PPP1R37: variants seen among roughly 807,000 people sequenced by gnomAD.
The protein encoded by PPP1R37 is leucine rich repeat containing 68.
Under a neutral mutation model 61.0 loss-of-function variants are expected in PPP1R37, and 21 were observed. The observed-to-expected ratio is 0.34, with a 90% CI of 0.24 to 0.50. PPP1R37 has a LOEUF of 0.50. Ranked by LOEUF, PPP1R37 falls within the 20% of genes least tolerant of loss-of-function variation. PPP1R37 has a pLI of 0.98. For synonymous variants in PPP1R37, 443 were observed against 433.5 expected, an observed-to-expected ratio of 1.02 and a Z score of -0.27; for missense variants, 910 against 952.7, an observed-to-expected ratio of 0.96 and a Z score of 0.59.
rs79967378 is a variant in PPP1R37, at chr19:45,121,328, G to A, written c.203-17186G>A. On this transcript the variant is annotated intron_variant, in intron 1 of 12. Coordinates refer to ENST00000221462, the MANE Select transcript of PPP1R37 (RefSeq NM_019121.2). This position sits in a 1 kb window ranked among gnomAD's most constrained non-coding sequence, Gnocchi z 4.2. ...GATGAGGGACTTTCCTCCTCAGGGC[G>A]TCTGTCTCCCTGCCATGGGAGGCAG... 1.3e-5 allele frequency among the ~76,000 whole-genome samples: 2 copies of A among 152,346 alleles called. No homozygotes were observed. Among genetic ancestry groups the A allele is most frequent in the East Asian group, 1.9e-4 (1 of 5,182 alleles).
At chr19:45,104,301 C>G in intron 1 of PPP1R37, among the ~76,000 whole-genome samples, 1 of 152,208 alleles carries the variant, frequency 6.6e-6, no homozygotes, top group Non-Finnish European at 1.5e-5. Flanking sequence ...TCCTGTCCAT[C>G]TGGCTCCTGG....
intron 1 of PPP1R37, among the ~76,000 whole-genome samples, chr19:45,109,868 C>T (rs1454742307): frequency 6.6e-6 from 1 of 152,192 alleles, no homozygotes; most frequent in Non-Finnish European, 1.5e-5. Flanking sequence ...CATCTGCAGC[C>T]TCAGCTCTGC....
intron 1 of PPP1R37, among the ~76,000 whole-genome samples, chr19:45,097,808 C>T (rs1282505534): frequency 6.6e-6 from 1 of 152,078 alleles, no homozygotes; most frequent in Admixed American, 6.5e-5. Flanking sequence ...ATCCTCTTCT[C>T]CGCTTTCCTC....
chr19:45,122,189 G>A (rs1968350041), intron 1 of PPP1R37, among the ~76,000 whole-genome samples: 1 of 152,194 alleles, frequency 6.6e-6, no homozygotes, highest in African/African-American at 2.4e-5. Context: ...TGCGTAGAAG[G>A]CATTTGCCCC....
At position 45,133,291 on chromosome 19, in the gene PPP1R37, C is replaced by T. The variant is rs563873610; in HGVS notation, c.203-5223C>T. ...TAGAGACGGGGTTTCACCATGTTGG[C>T]CAGGCTTGTCTCGAACTCCTGGCCT... is the stretch of plus-strand genomic sequence containing the variant. On this transcript the variant is annotated intron_variant, in intron 1 of 12. Transcript: ENST00000221462. 9.8e-5 allele frequency among the ~76,000 whole-genome samples: 15 copies of T among 152,336 alleles called. No homozygotes were observed. The South Asian group carries it at 3.1e-3, about 32-fold the overall frequency.
chr19:45,140,552 C>T lies in PPP1R37; in HGVS notation c.393C>T (p.Phe131=), dbSNP rs1968597536. 2.0e-6 allele frequency: 3 copies of T among 1,536,078 alleles called. No homozygotes were observed. Among genetic ancestry groups the T allele is most frequent in the African/African-American group, 2.7e-5 (2 of 73,156 alleles). ...CCTGTGAGGCCCTGGAAGAGGTCTT[C>T]AAGAGGCTGCAGTTCAAGGTCGTGG... is the stretch of plus-strand genomic sequence containing the variant. ...YKTCEALEEV[F]KRLQFKVVDL... The change falls in exon 4 of 13, where the codon TTC becomes TTT. Residue 131 remains phenylalanine, a synonymous_variant. Coordinates refer to ENST00000221462, the MANE Select transcript of PPP1R37 (RefSeq NM_019121.2).
Position 45,145,798 on chromosome 19 carries a change from C to G in PPP1R37, c.1742C>G (p.Ala581Gly). Residue 581 changes from alanine (A) to glycine (G), a missense_variant, in exon 11 of 13, where the codon GCA becomes GGA. By Grantham distance (60) the Ala-to-Gly change is moderately conservative (BLOSUM62 0). This residue lies in a region of PPP1R37 where 549 missense variants were observed against 505.1 expected (regional missense o/e 1.09). Transcript: ENST00000221462. ...VTRVESPPER[A>G]EPPASPTPPS... Reference sequence around the variant, plus strand: ...CGGGTGGAGAGCCCGCCCGAGAGGGCAGAGCCCCCTGCGTCCCCCACCCCT... The same window carrying G: ...CGGGTGGAGAGCCCGCCCGAGAGGGGAGAGCCCCCTGCGTCCCCCACCCCT... The G allele has an allele frequency of 6.7e-7, 1 of 1,498,108 alleles. No homozygotes were observed. The highest frequency in any genetic ancestry group is 8.9e-7 in the Non-Finnish European group (1 of 1,127,352). 92.8% of individuals were successfully genotyped at this position (1,498,108 alleles called of 1,614,324 possible).
At chr19:45,138,414 G>A in intron 1 of PPP1R37, 100 bp from the exon 2 acceptor site, 1 of 775,896 alleles carries the variant, frequency 1.3e-6, no homozygotes, top group Non-Finnish European at 2.1e-6. Context: ...GAGGGCTGAA[G>A]AGGGCAGTAT....
rs913782403 is a variant in PPP1R37, at chr19:45,093,318, C to T, written c.-8C>T. On this transcript the variant is annotated 5_prime_UTR_variant, in exon 1 of 13. Coordinates refer to ENST00000221462, the MANE Select transcript of PPP1R37 (RefSeq NM_019121.2). ...CCCCGGGGCCCCCGTGAGGAGGCGGCGGCGGCTATGGAGATCGCGCCGCAG... is the reference window on the plus strand; with the variant it reads ...CCCCGGGGCCCCCGTGAGGAGGCGGTGGCGGCTATGGAGATCGCGCCGCAG... 3 of 1,412,298 alleles carry T rather than the reference C, an allele frequency of 2.1e-6. No individual in the cohort carries two copies. The highest frequency in any genetic ancestry group is 2.8e-6 in the Non-Finnish European group (3 of 1,089,982). The allele number at this position is 1,412,298 out of a possible 1,614,324, so 87.5% of individuals were successfully genotyped here. A position where few individuals can be genotyped will look rare whatever the true frequency, so the allele number is the denominator to read the frequency against.
At chr19:45,101,841 A>C (rs1968067775) in intron 1 of PPP1R37, among the ~76,000 whole-genome samples, 1 of 152,228 alleles carries the variant, frequency 6.6e-6, no homozygotes, top group Admixed American at 6.5e-5. Flanking sequence ...CGGAGGCTGT[A>C]GGCTTGGCGT....
At chr19:45,114,779 C>T (rs879842434) in intron 1 of PPP1R37, among the ~76,000 whole-genome samples, 3 of 151,974 alleles carry the variant, frequency 2.0e-5, no homozygotes, top group Admixed American at 6.6e-5. Flanking sequence ...GACCCCCCCC[C>T]CCATCTCCAC....
intron 1 of PPP1R37, among the ~76,000 whole-genome samples, chr19:45,112,843 G>A (rs542448775): frequency 2.6e-5 from 4 of 152,326 alleles, no homozygotes; most frequent in Admixed American, 2.6e-4. Flanking sequence ...CAGGTGCTGG[G>A]TGAAGCAGGT....
chr19:45,098,202 C>T (rs1260942890), intron 1 of PPP1R37, among the ~76,000 whole-genome samples: 2 of 149,400 alleles, frequency 1.3e-5, no homozygotes, highest in Non-Finnish European at 1.5e-5. Context: ...AGGCTGGGCA[C>T]GTGGGTGCCC....
intron 1 of PPP1R37, 26 bp from the exon 2 acceptor site, chr19:45,138,488 C>A (rs1019416859): frequency 1.3e-6 from 2 of 1,522,662 alleles, no homozygotes; most frequent in African/African-American, 2.7e-5. Context: ...TGGACAGTCA[C>A]AGGCCTGGGT....
chr19:45,127,068 G>A (rs539416681), intron 1 of PPP1R37, among the ~76,000 whole-genome samples: 1 of 152,176 alleles, frequency 6.6e-6, no homozygotes, highest in Non-Finnish European at 1.5e-5. Context: ...ACCTAGGCCT[G>A]GTCAGGCCTG....
intron 1 of PPP1R37, among the ~76,000 whole-genome samples, chr19:45,111,422 G>A (rs763368434): frequency 6.6e-6 from 1 of 151,898 alleles, no homozygotes; most frequent in African/African-American, 2.4e-5. Context: ...TTACAAGTGC[G>A]CACCACCACA....
Position 45,122,985 on chromosome 19 carries a change from A to G in PPP1R37, c.203-15529A>G, listed in dbSNP as rs185837322. On this transcript the variant is annotated intron_variant, in intron 1 of 12. Transcript: ENST00000221462. ...AGCCTCCTGCACCTGCACTTTCTTCACAAAGTTCCCTCTGCCAGAGACGCC... is the reference window on the plus strand; with the variant it reads ...AGCCTCCTGCACCTGCACTTTCTTCGCAAAGTTCCCTCTGCCAGAGACGCC... Among the ~76,000 whole-genome samples, 714 of 152,226 alleles carry G rather than the reference A, an allele frequency of 4.7e-3. 30 individuals are homozygous for G. Among genetic ancestry groups the G allele is most frequent in the Admixed American group, 0.043 (660 of 15,296 alleles).
At chr19:45,119,731 T>C (rs1231813864) in intron 1 of PPP1R37, among the ~76,000 whole-genome samples, 1 of 152,166 alleles carries the variant, frequency 6.6e-6, no homozygotes. Context: ...ATCAGACCAC[T>C]GGGAAAGTGG....
chr19:45,093,515 C>T lies in PPP1R37; in HGVS notation c.190C>T (p.Pro64Ser), dbSNP rs1452199494. 4 of 1,534,296 alleles carry T rather than the reference C, an allele frequency of 2.6e-6. No homozygotes were observed. The highest frequency in any genetic ancestry group is 1.4e-5 in the African/African-American group (1 of 72,904). ...GTCTGGAGCAGTGGAGCCCAAAGAC[C>T]CCTGGAGACATGGTAGCTACCGCGG... The part of the protein sequence containing the change: ...IVSGAVEPKD[P>S]WRHAQNVTVD... The change falls in exon 1 of 13, where the codon CCC becomes TCC. Residue 64 changes from proline to serine, a missense_variant. By Grantham distance (74) the Pro-to-Ser change is moderately conservative. Coordinates refer to ENST00000221462, the MANE Select transcript of PPP1R37 (RefSeq NM_019121.2).
Sources: allele counts gnomAD v4.1 joint callset (sites outside exome capture counted in the v4.1 genomes callset), GRCh38; gene constraint gnomAD v4.1.1; regional missense constraint gnomAD v4.1.1; non-coding constraint Gnocchi (gnomAD v3.1); transcripts MANE v1.5; gene names NCBI Gene and HGNC (gene_info 2026-07-23, HGNC 2026-07-21).